RNLS: variants seen among roughly 807,000 people sequenced by gnomAD.
RNLS encodes the protein renalase, FAD dependent amine oxidase, also known as renalase.
Under a neutral mutation model 39.8 loss-of-function variants are expected in RNLS, and 39 were observed. The ratio of observed to expected loss-of-function variants is 0.98; its 90% confidence interval spans 0.76 to 1.28. The LOEUF is 1.28. RNLS is among the 50% of genes most tolerant of loss of function. RNLS has a pLI of 0.00. For missense variants in RNLS, 410 were observed against 413.3 expected (o/e 0.99, Z 0.07); for synonymous variants, 147 against 150.7 (o/e 0.98, Z 0.18).
chr10:88,203,370 A>G, the RNLS span, among the ~76,000 whole-genome samples: 10 of 2,576 alleles, frequency 3.9e-3, 4 homozygotes, highest in Non-Finnish European at 6.6e-3. Flanking sequence ...ATGTGTGTGT[A>G]TATATATATA....
At chr10:88,288,597 A>G (rs1589463856) in intron 6 of RNLS, among the ~76,000 whole-genome samples, 1 of 152,308 alleles carries the variant, frequency 6.6e-6, no homozygotes, top group South Asian at 2.1e-4. Context: ...CTGTGGCACT[A>G]TTAAACATTG....
At chr10:88,203,260 GTGTGTATGTATATATATATA>G in the RNLS span, among the ~76,000 whole-genome samples, 4 of 4,778 alleles carry the variant, frequency 8.4e-4, 1 homozygote, top group African/African-American at 5.9e-3. Flanking sequence ...GTGTGTGTGT[GTGTGTATGTATATATATATA>G]TATATATATA....
At chr10:88,183,903 A>G in the RNLS span, among the ~76,000 whole-genome samples, 2 of 152,178 alleles carry the variant, frequency 1.3e-5, no homozygotes, top group Admixed American at 6.6e-5. Flanking sequence ...CGGATCAACT[A>G]GAGAGAAGTC....
intron 4 of RNLS, among the ~76,000 whole-genome samples, chr10:88,473,335 C>A (rs1337329107): frequency 6.6e-6 from 1 of 152,054 alleles, no homozygotes; most frequent in African/African-American, 2.4e-5. Flanking sequence ...ACCAGCAACT[C>A]AAGATGAGAG....
At chr10:88,234,751 C>A in the RNLS span, among the ~76,000 whole-genome samples, 2 of 152,056 alleles carry the variant, frequency 1.3e-5, no homozygotes, top group Non-Finnish European at 2.9e-5. Context: ...ACAAAGCAGG[C>A]AGAACAAAGT....
At chr10:88,453,341 C>T (rs190599618) in intron 4 of RNLS, among the ~76,000 whole-genome samples, 16 of 152,328 alleles carry the variant, frequency 1.1e-4, no homozygotes, top group African/African-American at 3.6e-4. Flanking sequence ...TGCTCCTTCC[C>T]GGCGGTAGCC....
intron 4 of RNLS, among the ~76,000 whole-genome samples, chr10:88,366,943 CTATTTTA>C (rs1300392101): frequency 2.0e-5 from 3 of 151,776 alleles, no homozygotes; most frequent in Non-Finnish European, 2.9e-5. Context: ...GAGCTCTTGT[CTATTTTA>C]TAGACTGGAT....
chr10:88,294,180 C>A (rs947019921), intron 6 of RNLS, among the ~76,000 whole-genome samples: 4 of 152,118 alleles, frequency 2.6e-5, no homozygotes, highest in Non-Finnish European at 4.4e-5. Flanking sequence ...CTAATCTTAC[C>A]ATATTCCCAA....
At chr10:88,215,666 C>A in the RNLS span, among the ~76,000 whole-genome samples, 2 of 150,874 alleles carry the variant, frequency 1.3e-5, no homozygotes, top group African/African-American at 4.9e-5. Context: ...TATCTGTTAG[C>A]CCTTACATAG....
the RNLS span, among the ~76,000 whole-genome samples, chr10:88,220,319 G>T: frequency 1.3e-5 from 2 of 152,284 alleles, no homozygotes; most frequent in South Asian, 4.2e-4. Flanking sequence ...AGGATTTTGG[G>T]GTGGGCAGGG....
chr10:88,239,569 G>A, the RNLS span, among the ~76,000 whole-genome samples: 1 of 152,332 alleles, frequency 6.6e-6, no homozygotes, highest in South Asian at 2.1e-4. Context: ...ATTTTCAACT[G>A]TCTTGTTATT....
intron 4 of RNLS, among the ~76,000 whole-genome samples, chr10:88,568,651 G>A (rs558365878): frequency 1.3e-5 from 2 of 152,094 alleles, no homozygotes; most frequent in African/African-American, 2.4e-5. Flanking sequence ...ATGAGATGTC[G>A]CATGGGTTCA....
intron 3 of RNLS, among the ~76,000 whole-genome samples, chr10:88,579,329 T>C (rs1850391740): frequency 6.6e-6 from 1 of 152,176 alleles, no homozygotes; most frequent in Admixed American, 6.5e-5. Context: ...GTCAGATAAT[T>C]TCTTTATGGC....
the RNLS span, among the ~76,000 whole-genome samples, chr10:88,201,263 GA>G: frequency 1.3e-5 from 2 of 152,140 alleles, no homozygotes; most frequent in Non-Finnish European, 2.9e-5. Context: ...GAAATGGCTG[GA>G]AATTTTCTGA....
chr10:88,176,428 C>A, the RNLS span, among the ~76,000 whole-genome samples: 1 of 152,180 alleles, frequency 6.6e-6, no homozygotes, highest in African/African-American at 2.4e-5. Context: ...CCTGCCTTAG[C>A]CTCCCAAAGT....
At chr10:88,364,766 T>G (rs1849919001) in intron 4 of RNLS, among the ~76,000 whole-genome samples, 1 of 152,176 alleles carries the variant, frequency 6.6e-6, no homozygotes, top group Non-Finnish European at 1.5e-5. Context: ...TTACACTCAA[T>G]GAATTTGGAA....
At chr10:88,459,973 G>A (rs1228712147) in intron 4 of RNLS, among the ~76,000 whole-genome samples, 2 of 152,112 alleles carry the variant, frequency 1.3e-5, no homozygotes, top group African/African-American at 2.4e-5. Context: ...GACTGACACT[G>A]GAAAAAGAAG....
rs542597972 is a variant in RNLS, at chr10:88,555,666, G to A, written c.526+17237C>T. ...GCTTCAAGTATTTCTTTACAGCAAC[G>A]TGAAATGGACTGACACACCCTCCAC... On this transcript the variant is annotated intron_variant, in intron 4 of 6. Coordinates refer to ENST00000331772, the MANE Select transcript of RNLS (RefSeq NM_001031709.3). 1.1e-4 allele frequency among the ~76,000 whole-genome samples: 16 copies of A among 152,210 alleles called. No individual in the cohort carries two copies. In the South Asian group the frequency reaches 2.7e-3, roughly 26 times the overall value.
the RNLS span, among the ~76,000 whole-genome samples, chr10:88,206,926 T>C: frequency 6.6e-6 from 1 of 152,118 alleles, no homozygotes; most frequent in Non-Finnish European, 1.5e-5. Flanking sequence ...TTGCCTGATA[T>C]AAAATTAGGG....
Sources: allele counts gnomAD v4.1 joint callset (sites outside exome capture counted in the v4.1 genomes callset), GRCh38; gene constraint gnomAD v4.1.1; transcripts MANE v1.5; gene names NCBI Gene and HGNC (gene_info 2026-07-23, HGNC 2026-07-21).